RNF115: variants seen among roughly 807,000 people sequenced by gnomAD.
RNF115 encodes the protein E3 ubiquitin-protein ligase RNF115.
Under a neutral mutation model 39.2 loss-of-function variants are expected in RNF115, and 31 were observed. The ratio of observed to expected loss-of-function variants is 0.79; its 90% CI spans 0.59 to 1.07. The LOEUF is 1.07. Among genes scored for constraint, RNF115 ranks in the 50% least tolerant of loss-of-function variants. RNF115 has a pLI of 0.00. For missense variants in RNF115, 384 were observed against 381.7 expected, an observed-to-expected ratio of 1.01 and a Z score of -0.05; for synonymous variants, 124 against 131.0, an observed-to-expected ratio of 0.95 and a Z score of 0.37.
chr1:145,789,256 AC>A (rs1388307251), intron 1 of RNF115, among the ~76,000 whole-genome samples: 3 of 152,076 alleles, frequency 2.0e-5, no homozygotes, highest in Non-Finnish European at 4.4e-5. Flanking sequence ...GCACATGCCA[AC>A]ATACCTAATT....
intron 7 of RNF115, among the ~76,000 whole-genome samples, chr1:145,748,955 C>T (rs1553712119): frequency 2.6e-5 from 4 of 152,002 alleles, no homozygotes; most frequent in Non-Finnish European, 5.9e-5. Flanking sequence ...ACCAGAAAAG[C>T]TATACCAGAA....
chr1:145,805,930 C>G (rs1403374705), intron 1 of RNF115, among the ~76,000 whole-genome samples: 1 of 152,090 alleles, frequency 6.6e-6, no homozygotes, highest in Non-Finnish European at 1.5e-5. Flanking sequence ...AAAGGGCTGA[C>G]AACAGTTGCA....
rs782167513 is a variant in RNF115, at chr1:145,752,944, A to G, written c.500+34T>C. ...GACAGCACCTAAAATATGTCACTCC[A>G]ATAGAGTAAGATAGAAAACAATTAG... On this transcript the variant is annotated intron_variant, in intron 5 of 8. Transcript: ENST00000582693. The G allele has an allele frequency of 3.5e-6, 5 of 1,437,170 alleles. No individual in the cohort carries two copies. In the African/African-American group the frequency reaches 5.6e-5, roughly 16 times the overall value. The allele number at this position is 1,437,170 out of a possible 1,614,324, so 89.0% of individuals were successfully genotyped here. A position where few individuals can be genotyped will look rare whatever the true frequency, so the allele number is the denominator to read the frequency against.
intron 1 of RNF115, among the ~76,000 whole-genome samples, chr1:145,822,153 T>C (rs1650281957): frequency 6.6e-6 from 1 of 151,776 alleles, no homozygotes; most frequent in African/African-American, 2.4e-5. Flanking sequence ...ATGGTGAAAC[T>C]GCATCTCTAC....
At chr1:145,770,503 A>G (rs1440788872) in intron 4 of RNF115, among the ~76,000 whole-genome samples, 2 of 152,168 alleles carry the variant, frequency 1.3e-5, no homozygotes, top group Non-Finnish European at 2.9e-5. Flanking sequence ...TTTGGGATTG[A>G]GGTACTTTGA....
chr1:145,787,167 T>C (rs1648420332), intron 2 of RNF115: 1 of 474,086 alleles, frequency 2.1e-6, no homozygotes, highest in Non-Finnish European at 3.9e-6. Flanking sequence ...GACCAGTCGG[T>C]ACTTCTTCAA....
chr1:145,767,849 C>T (rs587739737), intron 4 of RNF115, among the ~76,000 whole-genome samples: 19 of 152,324 alleles, frequency 1.2e-4, no homozygotes, highest in African/African-American at 3.8e-4. Context: ...GGCGCGCGCC[C>T]GCAATCGCAG....
At chr1:145,751,153 A>T (rs1328696291) in intron 6 of RNF115, among the ~76,000 whole-genome samples, 1 of 152,214 alleles carries the variant, frequency 6.6e-6, no homozygotes, top group Middle Eastern at 3.2e-3. Flanking sequence ...ATCCTTATAG[A>T]ACTGAGCAAG....
chr1:145,748,129 C>A lies in RNF115; in HGVS notation c.668-19G>T. 6.4e-7 allele frequency: 1 copy of A among 1,552,452 alleles called. No homozygotes were observed. On this transcript the variant is annotated intron_variant, in intron 7 of 8. Coordinates refer to ENST00000582693, the MANE Select transcript of RNF115 (RefSeq NM_014455.4). The stretch of plus-strand genomic sequence containing the variant: ...CCCATATCTGTTGAAGAAGGAAATG[C>A]CTTTTAAAGTAAACAGGCAAAAGGA...
At chr1:145,764,568 C>T (rs1173866255) in intron 4 of RNF115, among the ~76,000 whole-genome samples, 2 of 151,014 alleles carry the variant, frequency 1.3e-5, no homozygotes, top group East Asian at 2.0e-4. Flanking sequence ...GCCCGGCAGC[C>T]GCCCCGTCTG....
intron 4 of RNF115, among the ~76,000 whole-genome samples, chr1:145,763,803 A>G (rs938511418): frequency 1.3e-5 from 2 of 152,364 alleles, no homozygotes; most frequent in East Asian, 1.9e-4. Context: ...TCTGGAAAAC[A>G]TGAATGTGCT....
At chr1:145,822,056 G>A (rs1380046200) in intron 1 of RNF115, among the ~76,000 whole-genome samples, 13 of 152,114 alleles carry the variant, frequency 8.5e-5, no homozygotes, top group Non-Finnish European at 1.9e-4. Context: ...GCGGGGAGCA[G>A]TGGCTCACGC....
At chr1:145,764,352 G>A (rs1553714363) in intron 4 of RNF115, among the ~76,000 whole-genome samples, 2 of 152,258 alleles carry the variant, frequency 1.3e-5, no homozygotes, top group Admixed American at 6.5e-5. Context: ...TGGGAAGTGA[G>A]GAGCGTCTCT....
intron 4 of RNF115, among the ~76,000 whole-genome samples, chr1:145,765,536 A>C (rs1658736483): frequency 6.6e-6 from 1 of 152,198 alleles, no homozygotes; most frequent in African/African-American, 2.4e-5. Context: ...CTGATTCTAT[A>C]TGTACTAAAC....
chr1:145,757,001 A>G lies in RNF115; in HGVS notation c.429-3952T>C, dbSNP rs587650498. 7.9e-5 allele frequency among the ~76,000 whole-genome samples: 12 copies of G among 151,784 alleles called. No homozygotes were observed. The South Asian group carries it at 1.7e-3, about 21-fold the overall frequency. Reference sequence around the variant, plus strand: ...CAGGCATGGGCCACCACGCCTGGCTAATTTTTGTATTTTTAGTAGACACGG... The same window carrying G: ...CAGGCATGGGCCACCACGCCTGGCTGATTTTTGTATTTTTAGTAGACACGG... On this transcript the variant is annotated intron_variant, in intron 4 of 8. Coordinates refer to ENST00000582693, the MANE Select transcript of RNF115 (RefSeq NM_014455.4).
chr1:145,767,448 A>G (rs1647385793), intron 4 of RNF115, among the ~76,000 whole-genome samples: 1 of 148,478 alleles, frequency 6.7e-6, no homozygotes, highest in African/African-American at 2.5e-5. Context: ...CACTTCCTAG[A>G]TGGGATGGCG....
At position 145,750,408 on chromosome 1, in the gene RNF115, A is replaced by G; in HGVS notation, c.666T>C (p.Val222=). The change falls in exon 7 of 9, where the codon GTT becomes GTC. Residue 222 remains valine (V), a splice_region_variant and synonymous_variant. Transcript: ENST00000582693. ...LPTVTVTQEQ[V]DMGLECPVCK... ...GAATAAGTATAAAAATGAACCTACC[A>G]ACTTGTTCCTGAGTTACTGTCACTG... 6.2e-7 allele frequency: 1 copy of G among 1,610,028 alleles called. No individual in the cohort carries two copies. Among genetic ancestry groups the G allele is most frequent in the South Asian group, 1.1e-5 (1 of 90,962 alleles).
At chr1:145,817,268 A>T (rs1650032378) in intron 1 of RNF115, among the ~76,000 whole-genome samples, 1 of 54,078 alleles carries the variant, frequency 1.8e-5, no homozygotes, top group Admixed American at 2.1e-4. Flanking sequence ...AGGACCACAG[A>T]CACACACCAC....
intron 4 of RNF115, among the ~76,000 whole-genome samples, chr1:145,759,303 T>G (rs905442640): frequency 6.6e-6 from 1 of 152,170 alleles, no homozygotes; most frequent in Admixed American, 6.6e-5. Context: ...CCTCTGCCTA[T>G]TCAACATTTC....
Sources: gnomAD v4.1 joint callset for allele counts (sites outside exome capture counted in the v4.1 genomes callset) on GRCh38, gnomAD v4.1.1 for gene constraint, MANE v1.5 for transcripts, NCBI Gene and HGNC (gene_info 2026-07-23, HGNC 2026-07-21) for gene names.